The following TNPO1 variants were observed in gnomAD, a reference collection of about 807,000 sequenced individuals.
TNPO1 encodes transportin 1.
A neutral mutation model predicts 119.5 loss-of-function variants in TNPO1; 8 were observed. The ratio of observed to expected loss-of-function variants is 0.07; its 90% CI spans 0.04 to 0.12. The LOEUF is 0.12. Among genes scored for constraint, TNPO1 ranks in the 10% least tolerant of loss-of-function variants. The probability of loss-of-function intolerance (pLI) is 1.00; values close to 1 mark genes in which losing one functional copy is unlikely to be tolerated. For missense variants in TNPO1, 576 were observed against 1,089.8 expected, an observed-to-expected ratio of 0.53 and a Z score of 6.64; for synonymous variants, 362 against 363.0, an observed-to-expected ratio of 1.00 and a Z score of 0.03.
At chr5:72,897,944 T>G (rs572560551) in intron 20 of TNPO1, among the ~76,000 whole-genome samples, 2 of 152,256 alleles carry the variant, frequency 1.3e-5, no homozygotes, top group South Asian at 4.1e-4. Context: ...GGCATTTTTA[T>G]TTGGTATTTT....
At chr5:72,901,599 G>A (rs972113906) in intron 22 of TNPO1, among the ~76,000 whole-genome samples, 1 of 151,878 alleles carries the variant, frequency 6.6e-6, no homozygotes, top group African/African-American at 2.4e-5. Flanking sequence ...TTAATTATTC[G>A]GCAGTAGTAT....
chr5:72,893,572 T>G lies in TNPO1; in HGVS notation c.2055+37T>G, dbSNP rs924796149. On this transcript the variant is annotated intron_variant, in intron 17 of 24. Transcript: ENST00000337273. ...AAGGTGAAAATGAATTGAAGCCTGTTTCTCTGTGTCACATTGGGGTTAATT... is the reference window on the plus strand; with the variant it reads ...AAGGTGAAAATGAATTGAAGCCTGTGTCTCTGTGTCACATTGGGGTTAATT... 4 of 1,614,116 alleles carry G rather than the reference T, an allele frequency of 2.5e-6. No individual in the cohort carries two copies. In the African/African-American group the frequency reaches 5.3e-5, roughly 22 times the overall value.
rs572105219 is a variant in TNPO1, at chr5:72,909,853, T to A, written c.*1180T>A. ...ACCTGCACAATGTGGAAAGCTGATA[T>A]ACCTGTGCAAAATCTTTGCCTCTGT... On this transcript the variant is annotated 3_prime_UTR_variant, in exon 25 of 25. Coordinates refer to ENST00000337273, the MANE Select transcript of TNPO1 (RefSeq NM_002270.4). 5 of 152,626 alleles carry A rather than the reference T, an allele frequency of 3.3e-5. No homozygotes were observed. The highest frequency in any genetic ancestry group is 7.4e-5 in the Non-Finnish European group (5 of 68,026). 9.5% of individuals were successfully genotyped at this position (152,626 alleles called of 1,614,324 possible). A position where few individuals can be genotyped will look rare whatever the true frequency, so the allele number is the denominator to read the frequency against.
At chr5:72,880,685 G>A (rs981638089) in intron 9 of TNPO1, among the ~76,000 whole-genome samples, 9 of 151,844 alleles carry the variant, frequency 5.9e-5, no homozygotes, top group African/African-American at 1.2e-4. Flanking sequence ...GCATGGTGGC[G>A]TATGCTTGTA....
intron 1 of TNPO1, chr5:72,848,178 C>T (rs34651): frequency 0.92 from 1,110,733 of 1,206,434 alleles, 511,778 homozygotes; most frequent in African/African-American, 0.98. Flanking sequence ...GCAGCAGACG[C>T]TGGCGGCCGG....
intron 4 of TNPO1, among the ~76,000 whole-genome samples, chr5:72,859,553 C>T (rs1314174654): frequency 6.6e-6 from 1 of 152,074 alleles, no homozygotes; most frequent in African/African-American, 2.4e-5. Context: ...TTAACCTTAA[C>T]AATACATGTT....
chr5:72,848,291 G>T (rs975954534), intron 1 of TNPO1, 94 bp from the exon 2 acceptor site: 9 of 1,352,906 alleles, frequency 6.7e-6, no homozygotes, highest in Non-Finnish European at 8.7e-6. Context: ...GTGGTGGCGG[G>T]GAGAACGGGT....
rs369202006 is a variant in TNPO1 at position 72,882,656 on chromosome 5, G to GGTTACAGAAGTTTAAA, written c.981+130_981+131insTTACAGAAGTTTAAAG. Reference sequence around the variant, plus strand: ...AATAGACTTCCTATTATCCATAATAGGATAGAAGCATAAGTTTAAGTAATG... The same window carrying GGTTACAGAAGTTTAAA: ...AATAGACTTCCTATTATCCATAATAGGTTACAGAAGTTTAAAGATAGAAGCATAAGTTTAAGTAATG... On this transcript the variant is annotated intron_variant, in intron 10 of 24. Coordinates refer to ENST00000337273, the MANE Select transcript of TNPO1 (RefSeq NM_002270.4). 403 of 610,878 alleles carry GGTTACAGAAGTTTAAA rather than the reference G, an allele frequency of 6.6e-4. 3 individuals carry two copies. The African/African-American group carries it at 6.8e-3, about 10-fold the overall frequency. 37.8% of individuals were successfully genotyped at this position (610,878 alleles called of 1,614,324 possible).
chr5:72,831,645 A>G (rs1580367650), intron 1 of TNPO1, among the ~76,000 whole-genome samples: 1 of 152,136 alleles, frequency 6.6e-6, no homozygotes, highest in East Asian at 1.9e-4. Flanking sequence ...CTGTTCTCTA[A>G]TATTCAAGAA....
intron 6 of TNPO1, among the ~76,000 whole-genome samples, chr5:72,869,953 A>G (rs1455459304): frequency 6.6e-6 from 1 of 152,208 alleles, no homozygotes; most frequent in Non-Finnish European, 1.5e-5. Context: ...CAAGTTTATC[A>G]TCTGTATTTC....
chr5:72,882,282 C>G (rs1172192521), intron 9 of TNPO1, among the ~76,000 whole-genome samples, 185 bp from the exon 10 acceptor site: 2 of 152,184 alleles, frequency 1.3e-5, no homozygotes, highest in Non-Finnish European at 2.9e-5. Flanking sequence ...TTATATTTGA[C>G]TGCTTCCTTT....
At chr5:72,846,730 G>C (rs2112233492) in intron 1 of TNPO1, among the ~76,000 whole-genome samples, 1 of 152,224 alleles carries the variant, frequency 6.6e-6, no homozygotes, top group South Asian at 2.1e-4. Flanking sequence ...ATCTTGAGCT[G>C]GGTGTTGGTT....
intron 2 of TNPO1, 109 bp from the exon 3 acceptor site, chr5:72,851,135 A>AT: frequency 1.4e-6 from 1 of 693,270 alleles, no homozygotes; most frequent in South Asian, 1.7e-5. Context: ...TAAAAAAAAA[A>AT]CGCAGGACTG....
intron 20 of TNPO1, among the ~76,000 whole-genome samples, chr5:72,898,207 C>T (rs1417138558): frequency 6.6e-6 from 1 of 152,032 alleles, no homozygotes; most frequent in African/African-American, 2.4e-5. Context: ...ATTTGAAAGA[C>T]TTGCCATTAT....
At chr5:72,821,748 T>C (rs1743966666) in intron 1 of TNPO1, among the ~76,000 whole-genome samples, 1 of 152,158 alleles carries the variant, frequency 6.6e-6, no homozygotes, top group Non-Finnish European at 1.5e-5. Flanking sequence ...GAAAGGCCAG[T>C]AATAGATTCG....
In TNPO1 at chr5:72,893,534, A is replaced by G. The variant is rs2112463379; in HGVS notation, c.2054A>G (p.Gln685Arg). The G allele has an allele frequency of 6.2e-7, 1 of 1,614,210 alleles. No individual in the cohort carries two copies. The highest frequency in any genetic ancestry group is 8.5e-7 in the Non-Finnish European group (1 of 1,180,024). Residue 685 changes from glutamine (Q) to arginine (R), a missense_variant and splice_region_variant, in exon 17 of 25, where the codon CAG becomes CGG. This residue lies in a region of TNPO1 where 162 missense variants were observed against 294.1 expected (regional missense o/e 0.55). Coordinates refer to ENST00000337273, the MANE Select transcript of TNPO1 (RefSeq NM_002270.4). ...CTGACACTAATGTATCAGTGCATGCAGGTGAGACTTGAAAGGTGAAAATGA... is the reference window on the plus strand; with the variant it reads ...CTGACACTAATGTATCAGTGCATGCGGGTGAGACTTGAAAGGTGAAAATGA... ...NILTLMYQCM[Q>R]DKMPEVRQSS...
At chr5:72,887,244 A>G in intron 12 of TNPO1, 22 bp downstream of exon 12, 8 of 1,181,450 alleles carry the variant, frequency 6.8e-6, no homozygotes, top group Non-Finnish European at 9.3e-6. Context: ...TCCAGTTTGA[A>G]TTATGTAAGT....
chr5:72,856,558 T>C (rs1289495943), intron 4 of TNPO1, among the ~76,000 whole-genome samples: 3 of 152,164 alleles, frequency 2.0e-5, no homozygotes. Flanking sequence ...CTGCCTAGCA[T>C]GATGCATAAT....
intron 1 of TNPO1, among the ~76,000 whole-genome samples, chr5:72,823,076 A>T (rs1390544468): frequency 2.0e-5 from 3 of 151,774 alleles, no homozygotes; most frequent in Non-Finnish European, 2.9e-5. Context: ...AACCATTCTT[A>T]GATGTTGCTT....
Sources: gnomAD v4.1 joint callset for allele counts (sites outside exome capture counted in the v4.1 genomes callset) on GRCh38, gnomAD v4.1.1 for gene constraint, gnomAD v4.1.1 regional missense constraint, MANE v1.5 for transcripts, NCBI Gene and HGNC (gene_info 2026-07-23, HGNC 2026-07-21) for gene names.